The following C17orf99 variants were observed in gnomAD, a reference collection of about 807,000 sequenced individuals.
C17orf99 encodes the protein chromosome 17 open reading frame 99, also known as protein IL-40.
Under a neutral mutation model 22.6 loss-of-function variants are expected in C17orf99, and 18 were observed. That is an observed-to-expected ratio of 0.80 (90% confidence interval 0.55 to 1.18). The LOEUF (loss-of-function observed/expected upper bound fraction) is 1.18. Among genes scored for constraint, C17orf99 ranks in the 50% most tolerant of loss-of-function variants. The probability of loss-of-function intolerance (pLI) is 0.00; values close to 1 mark genes in which losing one functional copy is unlikely to be tolerated. For missense variants in C17orf99, 328 were observed against 342.7 expected (o/e 0.96, Z 0.34); for synonymous variants, 147 against 136.6 (o/e 1.08, Z -0.53).
At chr17:78,161,897 G>C (rs974553754) in intron 3 of C17orf99, among the ~76,000 whole-genome samples, 12 of 151,896 alleles carry the variant, frequency 7.9e-5, no homozygotes, top group African/African-American at 2.7e-4. Context: ...GCATTACTTC[G>C]CTTGATCTTC....
At chr17:78,151,423 C>CAA (rs35828431) in intron 2 of C17orf99, among the ~76,000 whole-genome samples, 26,743 of 54,474 alleles carry the variant, frequency 0.49, 6,395 homozygotes, top group African/African-American at 0.65. Flanking sequence ...GACTCTGTCT[C>CAA]AAAAAAAAAA....
chr17:78,149,324 T>G (rs1306518519), intron 2 of C17orf99, among the ~76,000 whole-genome samples: 1 of 98,032 alleles, frequency 1.0e-5, no homozygotes, highest in Admixed American at 1.5e-4. Flanking sequence ...AGAGAGAGAC[T>G]CTGCCTCAAA....
intron 4 of C17orf99, 83 bp downstream of exon 4, chr17:78,164,447 G>A (rs563739941): frequency 7.4e-5 from 115 of 1,549,310 alleles, no homozygotes; most frequent in South Asian, 1.2e-4. Context: ...CAGGTCGATG[G>A]GAAGTGGGAC....
chr17:78,150,500 G>C (rs143891447), intron 2 of C17orf99, among the ~76,000 whole-genome samples: 30 of 152,250 alleles, frequency 2.0e-4, no homozygotes, highest in Middle Eastern at 3.4e-3. Flanking sequence ...TAGGAACCAT[G>C]GACAGGCATC....
intron 2 of C17orf99, among the ~76,000 whole-genome samples, chr17:78,151,136 C>T (rs898107896): frequency 6.9e-6 from 1 of 143,986 alleles, no homozygotes; most frequent in Non-Finnish European, 1.5e-5. Context: ...AAAACAAAAA[C>T]AAACAAGGCC....
At chr17:78,156,768 C>T (rs1567819288) in intron 2 of C17orf99, among the ~76,000 whole-genome samples, 1 of 152,054 alleles carries the variant, frequency 6.6e-6, no homozygotes, top group Non-Finnish European at 1.5e-5. Context: ...GCGAGCACCA[C>T]CACACCTGGC....
chr17:78,146,900 C>T lies in C17orf99; in HGVS notation c.59C>T (p.Ala20Val). ...ACAGCTGCCAGCAGCTTCTCCAAGGCACGGGAGGAAGGTAAGTGGCATAGC... is the reference window on the plus strand; with the variant it reads ...ACAGCTGCCAGCAGCTTCTCCAAGGTACGGGAGGAAGGTAAGTGGCATAGC... Reference protein sequence around the residue: ...AVLAASSFSKAREEEITPVVS... With the variant: ...AVLAASSFSKVREEEITPVVS... Residue 20 changes from alanine to valine, a missense_variant, in exon 2 of 5, where the codon GCA (alanine) becomes GTA (valine). Physicochemically the swap from Ala to Val is moderately conservative, Grantham distance 64 (BLOSUM62 0). Coordinates refer to ENST00000340363, the MANE Select transcript of C17orf99 (RefSeq NM_001163075.2). The surrounding 1 kb of genome is among the most constrained non-coding windows in gnomAD (Gnocchi z 5.2). The T allele has an allele frequency of 1.3e-6, 2 of 1,551,508 alleles. No homozygotes were observed. Among genetic ancestry groups the T allele is most frequent in the Non-Finnish European group, 1.7e-6 (2 of 1,146,840 alleles).
intron 2 of C17orf99, chr17:78,158,301 T>A (rs6501181): frequency 0.62 from 188,523 of 302,788 alleles, 49,262 homozygotes; most frequent in African/African-American, 0.77. Flanking sequence ...CTCCTACACA[T>A]TTTTTTTTTT....
chr17:78,152,003 C>T (rs73375766), intron 2 of C17orf99, among the ~76,000 whole-genome samples: 4,436 of 152,154 alleles, frequency 0.029, 235 homozygotes, highest in African/African-American at 0.1. Flanking sequence ...GCACCATGTC[C>T]GGGCCTGGAC....
Position 78,156,270 on chromosome 17 carries a change from T to A in C17orf99, c.71-4685T>A, listed in dbSNP as rs540127726. ...ACTTGAACCCGGGAGGCGGAGGTTGTAGTGAGCCAAGATTGCACCACTGCA... is the reference window on the plus strand; with the variant it reads ...ACTTGAACCCGGGAGGCGGAGGTTGAAGTGAGCCAAGATTGCACCACTGCA... On this transcript the variant is annotated intron_variant, in intron 2 of 4. Transcript: ENST00000340363. 8.7e-5 allele frequency among the ~76,000 whole-genome samples: 12 copies of A among 138,364 alleles called. No individual in the cohort carries two copies. In the East Asian group the frequency reaches 2.3e-3, roughly 27 times the overall value. The allele number at this position is 138,364 out of a possible 152,430, so 90.8% of individuals were successfully genotyped here.
At chr17:78,154,205 G>A (rs766671485) in intron 2 of C17orf99, among the ~76,000 whole-genome samples, 2 of 151,622 alleles carry the variant, frequency 1.3e-5, no homozygotes, top group Non-Finnish European at 1.5e-5. Flanking sequence ...AATGACAGGC[G>A]TGAGCCACTG....
At chr17:78,160,467 C>T (rs998472092) in intron 2 of C17orf99, among the ~76,000 whole-genome samples, 3 of 149,008 alleles carry the variant, frequency 2.0e-5, no homozygotes, top group South Asian at 2.1e-4. Context: ...ACTCAGGAGG[C>T]GAAGGTTGTG....
intron 2 of C17orf99, among the ~76,000 whole-genome samples, chr17:78,153,457 C>T (rs2145778758): frequency 6.6e-6 from 1 of 151,718 alleles, no homozygotes; most frequent in East Asian, 1.9e-4. Context: ...TGCAGTCCAG[C>T]CTGGGCGACA....
upstream of C17orf99, among the ~76,000 whole-genome samples, chr17:78,145,792 C>CTT (rs5822229): frequency 5.3e-4 from 68 of 128,872 alleles, no homozygotes; most frequent in Non-Finnish European, 5.8e-4. Flanking sequence ...GCGTGGACAT[C>CTT]TTTTTTTTTT....
chr17:78,146,788 C>T lies in C17orf99; in HGVS notation c.38-91C>T, dbSNP rs1320086750. 3.9e-6 allele frequency: 5 copies of T among 1,275,924 alleles called. No individual in the cohort carries two copies. The African/African-American group carries it at 7.4e-5, about 19-fold the overall frequency. 79.0% of individuals were successfully genotyped at this position (1,275,924 alleles called of 1,614,324 possible). On this transcript the variant is annotated intron_variant, in intron 1 of 4. Transcript: ENST00000340363. The surrounding 1 kb of genome is among the most constrained non-coding windows in gnomAD (Gnocchi z 5.2). Reference sequence around the variant, plus strand: ...CACTACCAAGAATCAGCCTGCTCCTCCCTCCTGGCTTCAGCAGGTGGGTCT... The same window carrying T: ...CACTACCAAGAATCAGCCTGCTCCTTCCTCCTGGCTTCAGCAGGTGGGTCT...
At chr17:78,158,394 ATGCCATTCTCC>A (rs1379327335) in intron 2 of C17orf99, among the ~76,000 whole-genome samples, 2 of 152,018 alleles carry the variant, frequency 1.3e-5, no homozygotes, top group Non-Finnish European at 2.9e-5. Flanking sequence ...TCCCGGGCTC[ATGCCATTCTCC>A]TGCCTCAGCC....
intron 4 of C17orf99, 136 bp from the exon 5 acceptor site, chr17:78,165,753 G>C (rs539863450): frequency 1.7e-6 from 2 of 1,211,248 alleles, no homozygotes; most frequent in African/African-American, 1.6e-5. Context: ...AGTGAGCCGA[G>C]ATCGTGCCAT....
At chr17:78,162,101 C>T (rs889171178) in intron 3 of C17orf99, among the ~76,000 whole-genome samples, 2 of 151,706 alleles carry the variant, frequency 1.3e-5, no homozygotes, top group African/African-American at 4.8e-5. Flanking sequence ...CGTAGTGAAA[C>T]CCCATCTCTA....
At chr17:78,162,260 C>T (rs111509300) in intron 3 of C17orf99, among the ~76,000 whole-genome samples, 178 of 136,064 alleles carry the variant, frequency 1.3e-3, no homozygotes, top group East Asian at 4.7e-3. Flanking sequence ...TGGGTGACAG[C>T]GTAAGACTAT....
Sources: allele counts gnomAD v4.1 joint callset (sites outside exome capture counted in the v4.1 genomes callset), GRCh38; gene constraint gnomAD v4.1.1; non-coding constraint Gnocchi (gnomAD v3.1); transcripts MANE v1.5; gene names NCBI Gene and HGNC (gene_info 2026-07-23, HGNC 2026-07-21).